SFXN4: variants seen among roughly 807,000 people sequenced by gnomAD.
SFXN4 encodes the protein sideroflexin-4.
SFXN4 carries 48 observed loss-of-function variants against 54.6 expected under a neutral mutation model. The ratio of observed to expected loss-of-function variants is 0.88; its 90% CI spans 0.70 to 1.12. SFXN4 has a LOEUF of 1.12. SFXN4 is among the 50% of genes most tolerant of loss of function. SFXN4 has a pLI of 0.00. For synonymous variants in SFXN4, 130 were observed against 145.5 expected (o/e 0.89, Z 0.77); for missense variants, 383 against 409.2 (o/e 0.94, Z 0.55).
At chr10:119,154,747 G>A (rs1471648360) in intron 11 of SFXN4, among the ~76,000 whole-genome samples, 3 of 152,222 alleles carry the variant, frequency 2.0e-5, no homozygotes, top group Admixed American at 6.5e-5. Context: ...TGGGAGGACC[G>A]CTTGTGTTAG....
chr10:119,155,256 T>G, intron 10 of SFXN4, 79 bp from the exon 11 acceptor site: 1 of 984,882 alleles, frequency 1.0e-6, no homozygotes, highest in Non-Finnish European at 1.6e-6. Context: ...TTTGGGTGTC[T>G]GCCCCCTGCA....
At chr10:119,152,166 G>A (rs75843417) in intron 11 of SFXN4, among the ~76,000 whole-genome samples, 22 of 151,170 alleles carry the variant, frequency 1.5e-4, no homozygotes, top group African/African-American at 5.4e-4. Context: ...TTACAAATGG[G>A]TAAATTTTAC....
At chr10:119,156,101 T>C (rs878892030) in intron 10 of SFXN4, among the ~76,000 whole-genome samples, 1 of 152,168 alleles carries the variant, frequency 6.6e-6, no homozygotes, top group Non-Finnish European at 1.5e-5. Context: ...AGTAAAATAA[T>C]GTAAGTAGAA....
At chr10:119,161,191 G>A (rs1847515795) in intron 3 of SFXN4, 110 bp from the exon 4 acceptor site, 1 of 1,031,148 alleles carries the variant, frequency 9.7e-7, no homozygotes, top group Non-Finnish European at 1.5e-6. Flanking sequence ...ATCACTCACT[G>A]CAGAACAGCC....
At chr10:119,144,816 C>G (rs1006457923) in intron 13 of SFXN4, among the ~76,000 whole-genome samples, 7 of 152,130 alleles carry the variant, frequency 4.6e-5, no homozygotes, top group African/African-American at 1.7e-4. Flanking sequence ...ATTCAGTTCC[C>G]TAGTCACACC....
chr10:119,149,253 C>A (rs1294612737), intron 11 of SFXN4, among the ~76,000 whole-genome samples: 2 of 152,156 alleles, frequency 1.3e-5, no homozygotes, highest in Admixed American at 1.3e-4. Context: ...GCCCGTCCTT[C>A]CCTGAACTCT....
intron 5 of SFXN4, among the ~76,000 whole-genome samples, chr10:119,160,588 CTTT>C (rs1199404439): frequency 3.8e-4 from 44 of 116,390 alleles, no homozygotes; most frequent in Non-Finnish European, 5.1e-4. Flanking sequence ...GTTTTCTTTT[CTTT>C]TTTTTTTTTT....
chr10:119,165,183 C>A (rs1000412845), intron 1 of SFXN4: 1 of 1,042,080 alleles, frequency 9.6e-7, no homozygotes, highest in Non-Finnish European at 1.2e-6. Context: ...GGGGTCTCAC[C>A]GAAAGTGGCT....
intron 2 of SFXN4, 79 bp from the exon 3 acceptor site, chr10:119,162,493 C>A (rs1315214100): frequency 1.3e-5 from 15 of 1,156,736 alleles, no homozygotes; most frequent in Non-Finnish European, 1.9e-5. Context: ...ATCACCAGCT[C>A]ACTCACCAGC....
chr10:119,153,965 G>A (rs1398072662), intron 11 of SFXN4, among the ~76,000 whole-genome samples: 1 of 152,020 alleles, frequency 6.6e-6, no homozygotes, highest in African/African-American at 2.4e-5. Flanking sequence ...AACACCTGAG[G>A]TCAGGAGTTT....
At chr10:119,152,274 G>A (rs960902075) in intron 11 of SFXN4, among the ~76,000 whole-genome samples, 1 of 151,316 alleles carries the variant, frequency 6.6e-6, no homozygotes, top group African/African-American at 2.4e-5. Context: ...AGTCCCAGGT[G>A]GTTTTTGTTT....
intron 6 of SFXN4, 94 bp from the exon 7 acceptor site, chr10:119,158,156 G>A: frequency 8.3e-7 from 1 of 1,200,186 alleles, no homozygotes; most frequent in Non-Finnish European, 1.2e-6. Flanking sequence ...GGAGAATTGA[G>A]CCCCCAAGGA....
chr10:119,163,168 C>T (rs529832440), intron 2 of SFXN4, among the ~76,000 whole-genome samples: 87 of 152,140 alleles, frequency 5.7e-4, no homozygotes, highest in African/African-American at 2.0e-3. Flanking sequence ...AATCCCCTCA[C>T]CCAGAATTAA....
rs933092 is a variant in SFXN4, at chr10:119,165,362, G to C, written c.111+175C>G. ...AGCTTCGATTTCCCCTGCGTCCCCT[G>C]CCGCGCCCTAAGGGGTGAAGGCCGG... On this transcript the variant is annotated intron_variant, in intron 1 of 13. Coordinates refer to ENST00000355697, the MANE Select transcript of SFXN4 (RefSeq NM_213649.2). 1 allele frequency: 1,306,075 copies of C among 1,307,136 alleles called. 652,517 individuals are homozygous for C. Among genetic ancestry groups the C allele is most frequent in the East Asian group, 1 (30,396 of 30,396 alleles). The allele number at this position is 1,307,136 out of a possible 1,614,324, so 81.0% of individuals were successfully genotyped here.
intron 11 of SFXN4, among the ~76,000 whole-genome samples, chr10:119,154,851 C>T (rs976738340): frequency 2.6e-5 from 4 of 152,116 alleles, no homozygotes; most frequent in African/African-American, 4.8e-5. Context: ...AGATTATGTA[C>T]ATATATCCCA....
chr10:119,152,459 T>C (rs570519731), intron 11 of SFXN4, among the ~76,000 whole-genome samples: 4 of 152,196 alleles, frequency 2.6e-5, no homozygotes, highest in Admixed American at 2.0e-4. Context: ...TTTGCCTTTT[T>C]AGTAGACACA....
Position 119,144,886 on chromosome 10 carries a change from C to T in SFXN4, c.936+1350G>A, listed in dbSNP as rs1469462922. Among the ~76,000 whole-genome samples, 4 of 152,192 alleles carry T rather than the reference C, an allele frequency of 2.6e-5. No individual in the cohort carries two copies. In the East Asian group the frequency reaches 7.7e-4, roughly 29 times the overall value. On this transcript the variant is annotated intron_variant, in intron 13 of 13. Transcript: ENST00000355697. ...TCATGGCTACCATAATTGGACAGCA[C>T]CAATCTATTATAGAACATTTCCATC...
chr10:119,156,632 C>G lies in SFXN4; in HGVS notation c.616+46G>C, dbSNP rs200451522. The G allele has an allele frequency of 3.6e-5, 53 of 1,463,120 alleles. No individual in the cohort carries two copies. The African/African-American group carries it at 7.0e-4, about 19-fold the overall frequency. The allele number at this position is 1,463,120 out of a possible 1,614,324, so 90.6% of individuals were successfully genotyped here. A position where few individuals can be genotyped will look rare whatever the true frequency, so the allele number is the denominator to read the frequency against. ...GAGATGAAGGAAGGCTCACAGACCA[C>G]AAAGACACCCCACCCAGACTGCAGC... is the stretch of plus-strand genomic sequence containing the variant. On this transcript the variant is annotated intron_variant, in intron 10 of 13. Transcript: ENST00000355697.
chr10:119,147,862 T>C lies in SFXN4; in HGVS notation c.733-2A>G, dbSNP rs139750472. On this transcript the variant is annotated splice_acceptor_variant, in intron 11 of 13. Transcript: ENST00000355697. LOFTEE classifies it high-confidence loss of function. ...GGATGCTAGCGTTTCTCTAACAGCCTAGCAAAAATGAAAAGAAAACAGCTT... is the reference window on the plus strand; with the variant it reads ...GGATGCTAGCGTTTCTCTAACAGCCCAGCAAAAATGAAAAGAAAACAGCTT... The C allele has an allele frequency of 6.2e-7, 1 of 1,613,486 alleles. No homozygotes were observed. The highest frequency in any genetic ancestry group is 1.3e-5 in the African/African-American group (1 of 74,914).
Sources: gnomAD v4.1 joint callset for allele counts (sites outside exome capture counted in the v4.1 genomes callset) on GRCh38, gnomAD v4.1.1 for gene constraint, MANE v1.5 for transcripts, NCBI Gene and HGNC (gene_info 2026-07-23, HGNC 2026-07-21) for gene names.